Variants in NUMB observed in about 807,000 individuals in gnomAD.
The protein encoded by NUMB is NUMB endocytic adaptor protein, also known as protein numb homolog.
Under a neutral mutation model 59.7 loss-of-function variants are expected in NUMB, and 29 were observed. The observed-to-expected ratio is 0.49, with a 90% confidence interval of 0.36 to 0.66. The LOEUF (loss-of-function observed/expected upper bound fraction) is 0.66. Ranked by LOEUF, NUMB falls within the 30% of genes least tolerant of loss-of-function variation. NUMB has a pLI of 0.00. For synonymous variants in NUMB, 288 were observed against 288.2 expected, an observed-to-expected ratio of 1.00 and a Z score of 0.01; for missense variants, 723 against 822.0, an observed-to-expected ratio of 0.88 and a Z score of 1.47.
intron 2 of NUMB, among the ~76,000 whole-genome samples, chr14:73,379,813 G>A (rs916896696): frequency 6.6e-6 from 1 of 152,138 alleles, no homozygotes; most frequent in African/African-American, 2.4e-5. Context: ...TAAGTGAAGG[G>A]AGGCGAGGAA....
intron 4 of NUMB, among the ~76,000 whole-genome samples, chr14:73,330,961 G>A (rs12435797): frequency 2.0e-5 from 3 of 151,936 alleles, no homozygotes; most frequent in African/African-American, 7.3e-5. Flanking sequence ...TACAACTCTC[G>A]GAGGCTGAAG....
intron 1 of NUMB, among the ~76,000 whole-genome samples, chr14:73,437,531 G>C (rs116887374): frequency 8.0e-4 from 122 of 152,174 alleles, no homozygotes; most frequent in Non-Finnish European, 1.5e-3. Context: ...ATTTTCTATT[G>C]ATTATGGTTT....
chr14:73,285,935 A>AC (rs61493747), intron 9 of NUMB, among the ~76,000 whole-genome samples: 1,970 of 151,756 alleles, frequency 0.013, 42 homozygotes, highest in African/African-American at 0.045. Flanking sequence ...CAAAAAAAAA[A>AC]AAAACACCGA....
At chr14:73,335,209 C>T (rs1345648573) in intron 4 of NUMB, among the ~76,000 whole-genome samples, 1 of 146,584 alleles carries the variant, frequency 6.8e-6, no homozygotes, top group African/African-American at 2.5e-5. Context: ...GGAATGGATA[C>T]AGGTTTCAAA....
intron 10 of NUMB, among the ~76,000 whole-genome samples, 197 bp downstream of exon 10, chr14:73,283,884 T>C (rs1026787486): frequency 2.0e-5 from 3 of 152,218 alleles, no homozygotes; most frequent in African/African-American, 7.2e-5. Flanking sequence ...TGCCTGTTTG[T>C]TGAAGAGAAA....
intron 2 of NUMB, among the ~76,000 whole-genome samples, chr14:73,405,139 T>C (rs1385771254): frequency 1.3e-5 from 2 of 152,196 alleles, no homozygotes; most frequent in South Asian, 2.1e-4. Context: ...CAGTTAACTA[T>C]AACACTGGGA....
At chr14:73,441,341 A>G (rs1883049398) in intron 1 of NUMB, among the ~76,000 whole-genome samples, 1 of 151,996 alleles carries the variant, frequency 6.6e-6, no homozygotes, top group Non-Finnish European at 1.5e-5. Context: ...TGAGATCAGG[A>G]ATTCGAGTCC....
intron 4 of NUMB, among the ~76,000 whole-genome samples, chr14:73,335,948 T>A (rs1892288739): frequency 6.6e-6 from 1 of 152,246 alleles, no homozygotes; most frequent in Non-Finnish European, 1.5e-5. Flanking sequence ...TAAAATGGGC[T>A]ATTCTTTAAC....
chr14:73,280,937 G>A (rs554227706), intron 11 of NUMB, among the ~76,000 whole-genome samples: 19 of 151,820 alleles, frequency 1.3e-4, no homozygotes, highest in African/African-American at 3.4e-4. Flanking sequence ...CTGGTGATCC[G>A]CCTGCCTCAG....
At chr14:73,395,659 AG>A (rs1178989559) in intron 2 of NUMB, among the ~76,000 whole-genome samples, 1 of 152,208 alleles carries the variant, frequency 6.6e-6, no homozygotes, top group Admixed American at 6.5e-5. Context: ...TAAATTTAAA[AG>A]GGGTTATTCC....
At chr14:73,409,625 C>T (rs1041180869) in intron 2 of NUMB, 1 of 152,192 alleles carries the variant, frequency 6.6e-6, no homozygotes, top group African/African-American at 2.4e-5. Flanking sequence ...TGTTTTAAGC[C>T]ACTAAGTTTG....
intron 10 of NUMB, among the ~76,000 whole-genome samples, chr14:73,283,118 C>T (rs1211400305): frequency 2.6e-5 from 4 of 152,196 alleles, no homozygotes; most frequent in African/African-American, 9.7e-5. Flanking sequence ...CTCTAGGATA[C>T]TTCTGTATCA....
chr14:73,428,563 G>A (rs1030623653), intron 1 of NUMB, among the ~76,000 whole-genome samples: 1 of 152,182 alleles, frequency 6.6e-6, no homozygotes, highest in Non-Finnish European at 1.5e-5. Context: ...GAAGGCAGAC[G>A]TCAGGGGATC....
chr14:73,404,847 G>A (rs574603652), intron 2 of NUMB, among the ~76,000 whole-genome samples: 18 of 151,328 alleles, frequency 1.2e-4, no homozygotes, highest in East Asian at 1.2e-3. Context: ...TGCAACCTCC[G>A]CCTCCCGGGT....
intron 4 of NUMB, 72 bp downstream of exon 4, chr14:73,355,554 T>G (rs1893739269): frequency 7.2e-7 from 1 of 1,384,290 alleles, no homozygotes; most frequent in South Asian, 1.5e-5. Flanking sequence ...TTGTCCTTAT[T>G]AATGAGATTT....
chr14:73,327,060 A>C (rs1261629664), intron 4 of NUMB, among the ~76,000 whole-genome samples: 2 of 151,978 alleles, frequency 1.3e-5, no homozygotes, highest in Non-Finnish European at 2.9e-5. Flanking sequence ...TAAAAAAAAA[A>C]CAGGTTCTTT....
Position 73,447,211 on chromosome 14 carries a change from G to A in NUMB, c.-233+11282C>T, listed in dbSNP as rs536765612. 2.1e-3 allele frequency among the ~76,000 whole-genome samples: 322 copies of A among 150,764 alleles called. 2 individuals are homozygous for A. Among genetic ancestry groups the A allele is most frequent in the African/African-American group, 7.4e-3 (304 of 41,058 alleles). ...AAAAAAAAAAAAACCAGCATAGGCC[G>A]GGTGCAGTGGCTCACGCCTGTAATC... is the stretch of plus-strand genomic sequence containing the variant. On this transcript the variant is annotated intron_variant, in intron 1 of 12. Transcript: ENST00000555238.
In NUMB at chr14:73,287,071, A is replaced by C. The variant is rs1291117569; in HGVS notation, c.655+39T>G. The C allele has an allele frequency of 1.9e-6, 3 of 1,586,948 alleles. No individual in the cohort carries two copies. In the Admixed American group the frequency reaches 5.0e-5, roughly 26 times the overall value. ...TCAAAATAATACCTTGTTGGGAAAA[A>C]CTGCATTCCATAAATACACACTGTA... On this transcript the variant is annotated intron_variant, in intron 9 of 12. Coordinates refer to ENST00000555238, the MANE Select transcript of NUMB (RefSeq NM_001005743.2).
intron 1 of NUMB, among the ~76,000 whole-genome samples, chr14:73,455,923 GACA>G (rs914898126): frequency 6.6e-5 from 10 of 152,190 alleles, no homozygotes; most frequent in Admixed American, 6.5e-4. Context: ...AACAAAAGCG[GACA>G]ACATCTGAGA....
Sources: gnomAD v4.1 joint callset for allele counts (sites outside exome capture counted in the v4.1 genomes callset) on GRCh38, gnomAD v4.1.1 for gene constraint, MANE v1.5 for transcripts, NCBI Gene and HGNC (gene_info 2026-07-23, HGNC 2026-07-21) for gene names.